The following SRSF7 variants were observed in gnomAD, a reference collection of about 807,000 sequenced individuals.
The protein encoded by SRSF7 is serine/arginine-rich splicing factor 7.
In SRSF7, 15 loss-of-function variants were observed where a neutral mutation model predicts 42.2. The observed-to-expected ratio is 0.36, with a 90% CI of 0.24 to 0.55. The LOEUF (loss-of-function observed/expected upper bound fraction) is 0.55. Ranked by LOEUF, SRSF7 falls within the 20% of genes least tolerant of loss-of-function variation. The probability of loss-of-function intolerance (pLI) is 0.88; values close to 1 mark genes in which losing one functional copy is unlikely to be tolerated. For synonymous variants in SRSF7, 138 were observed against 107.9 expected (o/e 1.28, Z -1.73); for missense variants, 181 against 305.9 (o/e 0.59, Z 3.04).
At position 38,744,863 on chromosome 2, in the gene SRSF7, G is replaced by A; in HGVS notation, c.*270C>T. On this transcript the variant is annotated 3_prime_UTR_variant, in exon 8 of 8. Coordinates refer to ENST00000313117, the MANE Select transcript of SRSF7 (RefSeq NM_001031684.3). Reference sequence around the variant, plus strand: ...CTGACTCTCAAATATATCAAATTAAGAAGTGTTAATATTGAACACAAATCA... The same window carrying A: ...CTGACTCTCAAATATATCAAATTAAAAAGTGTTAATATTGAACACAAATCA... 3.0e-4 allele frequency: 115 copies of A among 382,272 alleles called. 1 individual carries two copies. The Admixed American group carries it at 3.1e-3, about 10-fold the overall frequency. 23.7% of individuals were successfully genotyped at this position (382,272 alleles called of 1,614,324 possible).
chr2:38,748,196 T>A (rs1667766147), intron 4 of SRSF7, 39 bp from the exon 5 acceptor site: 1 of 1,561,030 alleles, frequency 6.4e-7, no homozygotes, highest in East Asian at 2.3e-5. Context: ...CACAGTTTTT[T>A]TTTTTTTTGG....
chr2:38,751,349 C>A lies in SRSF7; in HGVS notation c.-93G>T. The stretch of plus-strand genomic sequence containing the variant: ...CACACACCTTCACCCGCCAAGAGTC[C>A]CGGCGGCACTACGAGGAAGAGCCCG... On this transcript the variant is annotated 5_prime_UTR_variant, in exon 1 of 8. Coordinates refer to ENST00000313117, the MANE Select transcript of SRSF7 (RefSeq NM_001031684.3). 6.4e-7 allele frequency: 1 copy of A among 1,571,346 alleles called. No homozygotes were observed. Among genetic ancestry groups the A allele is most frequent in the Non-Finnish European group, 8.7e-7 (1 of 1,144,546 alleles).
chr2:38,746,753 T>C lies in SRSF7; in HGVS notation c.573-6A>G, dbSNP rs1179079034. ...ATCTTGACCTCGACGGGGATCTTAA[T>C]AAAAAAAGTGAAAAACACAATTATA... On this transcript the variant is annotated splice_polypyrimidine_tract_variant and splice_region_variant and intron_variant, in intron 5 of 7. Coordinates refer to ENST00000313117, the MANE Select transcript of SRSF7 (RefSeq NM_001031684.3). 4 of 1,613,282 alleles carry C rather than the reference T, an allele frequency of 2.5e-6. No homozygotes were observed. Among genetic ancestry groups the C allele is most frequent in the East Asian group, 2.2e-5 (1 of 44,854 alleles).
intron 6 of SRSF7, 146 bp downstream of exon 6, chr2:38,746,548 T>C (rs766655640): frequency 1.4e-5 from 17 of 1,208,866 alleles, no homozygotes; most frequent in East Asian, 9.4e-5. Context: ...CAGTAATAAA[T>C]AGGACATACA....
intron 6 of SRSF7, 120 bp downstream of exon 6, chr2:38,746,574 G>T: frequency 7.0e-7 from 1 of 1,438,786 alleles, no homozygotes; most frequent in Non-Finnish European, 9.5e-7. Context: ...AAGGTACTGT[G>T]TTCCCACTAA....
Position 38,750,160 on chromosome 2 carries a change from G to A in SRSF7, c.63C>T (p.Gly21=). ...CCCTTTCTAACTCTCCTTTGCCAGC[G>A]CCAGTTCCCAGGTTACCAACATACA... ...TKVYVGNLGT[G]AGKGELERAF... is the part of the protein sequence containing the mutation. The change falls in exon 2 of 8, where the codon GGC becomes GGT. Residue 21 remains glycine (G), a synonymous_variant. Transcript: ENST00000313117. 12 of 1,611,186 alleles carry A rather than the reference G, an allele frequency of 7.4e-6. No individual in the cohort carries two copies. The highest frequency in any genetic ancestry group is 1.3e-5 in the African/African-American group (1 of 74,654).
In SRSF7 at chr2:38,744,942, T is replaced by G; in HGVS notation, c.*191A>C. The stretch of plus-strand genomic sequence containing the variant: ...ATGTGCCAAATAAAAACCCACATTT[T>G]CAGACCATATGATGTTAATACATTC... On this transcript the variant is annotated 3_prime_UTR_variant, in exon 8 of 8. Coordinates refer to ENST00000313117, the MANE Select transcript of SRSF7 (RefSeq NM_001031684.3). The G allele has an allele frequency of 6.0e-6, 3 of 503,048 alleles. No homozygotes were observed. Among genetic ancestry groups the G allele is most frequent in the Non-Finnish European group, 1.0e-5 (3 of 294,642 alleles). The allele number at this position is 503,048 out of a possible 1,614,324, so 31.2% of individuals were successfully genotyped here.
chr2:38,751,205 C>G (rs753515619), intron 1 of SRSF7, 24 bp downstream of exon 1: 2 of 1,614,010 alleles, frequency 1.2e-6, no homozygotes, highest in Non-Finnish European at 8.5e-7. Flanking sequence ...CACCAACGTC[C>G]CTCACCGGAC....
chr2:38,751,170 G>T, intron 1 of SRSF7, 59 bp downstream of exon 1: 1 of 1,606,392 alleles, frequency 6.2e-7, no homozygotes, highest in Non-Finnish European at 8.5e-7. Flanking sequence ...ACAACCCTAC[G>T]GCCTCGCAGT....
chr2:38,746,192 G>GA lies in SRSF7; in HGVS notation c.627-14dup. 6.2e-7 allele frequency: 1 copy of GA among 1,613,890 alleles called. No individual in the cohort carries two copies. The highest frequency in any genetic ancestry group is 8.5e-7 in the Non-Finnish European group (1 of 1,179,894). ...GGACTTTGATCGGCTGTCAAAACAT[G>GA]AGAAATTCTATTAAAGAAAGAGTAC... On this transcript the variant is annotated splice_polypyrimidine_tract_variant and intron_variant, in intron 6 of 7. Coordinates refer to ENST00000313117, the MANE Select transcript of SRSF7 (RefSeq NM_001031684.3).
At chr2:38,750,283 C>G in intron 1 of SRSF7, 89 bp from the exon 2 acceptor site, 3 of 1,251,988 alleles carry the variant, frequency 2.4e-6, no homozygotes, top group Non-Finnish European at 3.4e-6. Context: ...GGGCCATCCT[C>G]AAGATTGGGT....
chr2:38,748,952 A>T, intron 3 of SRSF7: 1 of 1,313,860 alleles, frequency 7.6e-7, no homozygotes, highest in Middle Eastern at 3.1e-4. Context: ...GATCTAGACG[A>T]TCTAGAAGTA....
chr2:38,750,423 G>A (rs531832645), intron 1 of SRSF7, among the ~76,000 whole-genome samples: 47 of 151,968 alleles, frequency 3.1e-4, no homozygotes, highest in Non-Finnish European at 6.3e-4. Flanking sequence ...TGACCCTCCC[G>A]AACACAAGCA....
intron 4 of SRSF7, 119 bp downstream of exon 4, chr2:38,748,460 T>C: frequency 9.7e-7 from 1 of 1,029,248 alleles, no homozygotes; most frequent in East Asian, 2.4e-5. Context: ...GCCCCTGTAC[T>C]CCAGCCCGGG....
At chr2:38,748,472 G>T (rs1667810917) in intron 4 of SRSF7, 107 bp downstream of exon 4, 1 of 1,139,276 alleles carries the variant, frequency 8.8e-7, no homozygotes, top group Non-Finnish European at 1.3e-6. Flanking sequence ...CAGCCCGGGT[G>T]ACAGAGCAAG....
chr2:38,749,384 A>G (rs1161021820), intron 3 of SRSF7, 145 bp downstream of exon 3: 2 of 1,542,856 alleles, frequency 1.3e-6, no homozygotes, highest in Non-Finnish European at 1.7e-6. Context: ...TAATATAGTA[A>G]CATTTTTTTA....
Position 38,744,664 on chromosome 2 carries a change from T to C in SRSF7, c.*469A>G. The C allele has an allele frequency of 6.2e-6, 1 of 160,694 alleles. No homozygotes were observed. Among genetic ancestry groups the C allele is most frequent in the Non-Finnish European group, 1.4e-5 (1 of 73,078 alleles). The allele number at this position is 160,694 out of a possible 1,614,324, so 10.0% of individuals were successfully genotyped here. On this transcript the variant is annotated 3_prime_UTR_variant, in exon 8 of 8. Transcript: ENST00000313117. Reference sequence around the variant, plus strand: ...GATCTGTCATGATGCATTCAGGCTGTATCATAAGGGACTCAGGTCATCTTA... The same window carrying C: ...GATCTGTCATGATGCATTCAGGCTGCATCATAAGGGACTCAGGTCATCTTA...
At chr2:38,750,932 A>AG (rs1003034614) in intron 1 of SRSF7, 49 of 330,374 alleles carry the variant, frequency 1.5e-4, no homozygotes, top group African/African-American at 9.2e-4. Context: ...GCGGGGGGGG[A>AG]GGGGGGCCGG....
Position 38,751,331 on chromosome 2 carries a change from C to G in SRSF7, c.-75G>C. 6.9e-6 allele frequency: 11 copies of G among 1,600,460 alleles called. No individual in the cohort carries two copies. The Admixed American group carries it at 1.2e-4, about 17-fold the overall frequency. On this transcript the variant is annotated 5_prime_UTR_variant, in exon 1 of 8. Coordinates refer to ENST00000313117, the MANE Select transcript of SRSF7 (RefSeq NM_001031684.3). ...GAGTGACGCAAAAGCTGACACACAC[C>G]TTCACCCGCCAAGAGTCCCGGCGGC...
Sources: allele counts gnomAD v4.1 joint callset (sites outside exome capture counted in the v4.1 genomes callset), GRCh38; gene constraint gnomAD v4.1.1; transcripts MANE v1.5; gene names NCBI Gene and HGNC (gene_info 2026-07-23, HGNC 2026-07-21).